The following ZFR variants were observed in gnomAD, a reference collection of about 807,000 sequenced individuals.
ZFR encodes zinc finger RNA-binding protein.
Under a neutral mutation model 130.7 loss-of-function variants are expected in ZFR, and 19 were observed. That is an observed-to-expected ratio of 0.15 (90% CI 0.10 to 0.21). The LOEUF is 0.21. ZFR is among the 10% of genes least tolerant of loss of function. The pLI is 1.00. For missense variants in ZFR, 872 were observed against 1,321.5 expected (o/e 0.66, Z 5.27); for synonymous variants, 466 against 456.9 (o/e 1.02, Z -0.25).
chr5:32,397,591 T>C lies in ZFR; in HGVS notation c.1714-253A>G, dbSNP rs1055997273. Among the ~76,000 whole-genome samples, 5 of 151,714 alleles carry C rather than the reference T, an allele frequency of 3.3e-5. 1 individual carries two copies. The highest frequency in any genetic ancestry group is 2.6e-4 in the Admixed American group (4 of 15,238). Reference sequence around the variant, plus strand: ...GCCTCAGCCACCCAAGTAGCTGGGATTAAAGGTATGTAACACCACCACGAC... The same window carrying C: ...GCCTCAGCCACCCAAGTAGCTGGGACTAAAGGTATGTAACACCACCACGAC... On this transcript the variant is annotated intron_variant, in intron 9 of 19. Coordinates refer to ENST00000265069, the MANE Select transcript of ZFR (RefSeq NM_016107.5).
chr5:32,421,786 T>G (rs766300872), intron 2 of ZFR, among the ~76,000 whole-genome samples: 1 of 152,078 alleles, frequency 6.6e-6, no homozygotes. Flanking sequence ...CTGGATGAGG[T>G]TTCCATATTT....
chr5:32,390,262 C>A lies in ZFR; in HGVS notation c.2142+13G>T. 2 of 1,607,958 alleles carry A rather than the reference C, an allele frequency of 1.2e-6. No homozygotes were observed. The highest frequency in any genetic ancestry group is 1.7e-6 in the Non-Finnish European group (2 of 1,175,448). On this transcript the variant is annotated intron_variant, in intron 12 of 19. Coordinates refer to ENST00000265069, the MANE Select transcript of ZFR (RefSeq NM_016107.5). ...AAACTTTCACCCCTTGTATCACCAA[C>A]GTGGACACTCACTGCAGGCCCCTGA...
intron 9 of ZFR, among the ~76,000 whole-genome samples, chr5:32,399,656 A>T (rs2111764793): frequency 6.6e-6 from 1 of 152,354 alleles, no homozygotes; most frequent in South Asian, 2.1e-4. Flanking sequence ...AAAAATAAAT[A>T]TATTGGTTCT....
intron 4 of ZFR, 70 bp downstream of exon 4, chr5:32,417,578 C>A: frequency 6.3e-7 from 1 of 1,584,530 alleles, no homozygotes; most frequent in Non-Finnish European, 8.6e-7. Flanking sequence ...AAAAGCTTAT[C>A]TTCATTAAAC....
chr5:32,436,058 C>T (rs1402873263), intron 2 of ZFR, among the ~76,000 whole-genome samples: 2 of 151,730 alleles, frequency 1.3e-5, no homozygotes, highest in Non-Finnish European at 2.9e-5. Flanking sequence ...TTTCATGACC[C>T]TAAATTCTCC....
At chr5:32,416,172 G>A (rs538544866) in intron 4 of ZFR, among the ~76,000 whole-genome samples, 1 of 152,216 alleles carries the variant, frequency 6.6e-6, no homozygotes, top group East Asian at 1.9e-4. Context: ...TAATATCCAA[G>A]AGCTAAACAA....
intron 17 of ZFR, among the ~76,000 whole-genome samples, chr5:32,377,970 C>G (rs755563607): frequency 1.3e-5 from 2 of 152,188 alleles, no homozygotes; most frequent in Non-Finnish European, 2.9e-5. Flanking sequence ...GGATTACAGG[C>G]ATGAGCCACT....
intron 2 of ZFR, among the ~76,000 whole-genome samples, chr5:32,427,275 C>T (rs574898675): frequency 6.6e-6 from 1 of 150,792 alleles, no homozygotes; most frequent in African/African-American, 2.4e-5. Flanking sequence ...TGCATGTAGT[C>T]CCAGCTACTT....
chr5:32,415,480 A>G (rs539529880), intron 4 of ZFR, among the ~76,000 whole-genome samples: 18 of 119,048 alleles, frequency 1.5e-4, no homozygotes, highest in Non-Finnish European at 2.6e-4. Flanking sequence ...ACTTTTCTGA[A>G]AAGGAGTGTG....
intron 2 of ZFR, among the ~76,000 whole-genome samples, chr5:32,431,019 G>A (rs954438952): frequency 2.6e-5 from 4 of 152,150 alleles, no homozygotes; most frequent in Non-Finnish European, 5.9e-5. Flanking sequence ...AAGGTGCAGT[G>A]AGCTGAAATT....
At chr5:32,381,965 TAAAG>T (rs1752944763) in intron 15 of ZFR, among the ~76,000 whole-genome samples, 1 of 151,992 alleles carries the variant, frequency 6.6e-6, no homozygotes, top group Non-Finnish European at 1.5e-5. Context: ...CAGGAATAGA[TAAAG>T]AAAAGGGACA....
At chr5:32,364,688 G>C (rs755223243) in intron 17 of ZFR, 1 of 152,778 alleles carries the variant, frequency 6.5e-6, no homozygotes, top group Non-Finnish European at 1.5e-5. Flanking sequence ...AGTAAGCTGA[G>C]ATTGCGCCAT....
At chr5:32,364,815 A>C (rs1393876842) in intron 17 of ZFR, 2 of 152,202 alleles carry the variant, frequency 1.3e-5, no homozygotes, top group Non-Finnish European at 2.9e-5. Context: ...TCTCATGATA[A>C]AAATTTGTAT....
Position 32,404,000 on chromosome 5 carries a change from C to G in ZFR, c.1130G>C (p.Gly377Ala). ...NTSSSNSSTR[G>A]TQNQLRCELC... ...CTCACAACGTAGCTGATTTTGAGTC[C>G]CACGAGTAGAACTGTTGCTGCTGCT... The change falls in exon 7 of 20, where the codon GGG becomes GCG. Residue 377 changes from glycine to alanine, a missense_variant. Coordinates refer to ENST00000265069, the MANE Select transcript of ZFR (RefSeq NM_016107.5). 6.2e-7 allele frequency: 1 copy of G among 1,614,080 alleles called. No individual in the cohort carries two copies. The highest frequency in any genetic ancestry group is 8.5e-7 in the Non-Finnish European group (1 of 1,179,978).
chr5:32,406,666 A>AG (rs1753585428), intron 6 of ZFR, 108 bp downstream of exon 6: 1 of 1,422,104 alleles, frequency 7.0e-7, no homozygotes, highest in African/African-American at 1.4e-5. Context: ...CACTGGCTAA[A>AG]AGCTAACAGG....
intron 2 of ZFR, among the ~76,000 whole-genome samples, chr5:32,432,246 A>AT (rs1009357703): frequency 1.6e-4 from 24 of 152,264 alleles, no homozygotes; most frequent in African/African-American, 4.6e-4. Context: ...AAGTTTGTGC[A>AT]TCAAAGTTGA....
intron 17 of ZFR, among the ~76,000 whole-genome samples, chr5:32,374,921 T>A (rs1752764544): frequency 1.3e-5 from 2 of 152,198 alleles, no homozygotes; most frequent in South Asian, 4.1e-4. Flanking sequence ...AAAGTTTTGA[T>A]GCTACTAAAA....
chr5:32,358,110 C>T (rs1752350021), intron 19 of ZFR, among the ~76,000 whole-genome samples: 1 of 152,214 alleles, frequency 6.6e-6, no homozygotes, highest in Admixed American at 6.5e-5. Flanking sequence ...GTAATCTCAG[C>T]ACTCTGGAAG....
chr5:32,403,011 C>T lies in ZFR; in HGVS notation c.1516+95G>A. The T allele has an allele frequency of 1.3e-5, 16 of 1,242,056 alleles. No homozygotes were observed. The South Asian group carries it at 2.0e-4, about 16-fold the overall frequency. 76.9% of individuals were successfully genotyped at this position (1,242,056 alleles called of 1,614,324 possible). ...AAGGTCCCAGAGAGAAGGGAGGAGG[C>T]AGGTCCAAGAACACAGGGAGAAGGG... On this transcript the variant is annotated intron_variant, in intron 8 of 19. Coordinates refer to ENST00000265069, the MANE Select transcript of ZFR (RefSeq NM_016107.5).
Sources: gnomAD v4.1 joint callset for allele counts (sites outside exome capture counted in the v4.1 genomes callset) on GRCh38, gnomAD v4.1.1 for gene constraint, MANE v1.5 for transcripts, NCBI Gene and HGNC (gene_info 2026-07-23, HGNC 2026-07-21) for gene names.